ELAPOR1: variants seen among roughly 807,000 people sequenced by gnomAD.
ELAPOR1 encodes the protein endosome-lysosome associated apoptosis and autophagy regulator 1.
Under a neutral mutation model 119.7 loss-of-function variants are expected in ELAPOR1, and 77 were observed. That is an observed-to-expected ratio of 0.64 (90% confidence interval 0.54 to 0.78). The LOEUF is 0.78. Ranked by LOEUF, ELAPOR1 falls within the 30% of genes least tolerant of loss-of-function variation. ELAPOR1 has a pLI of 0.00. For synonymous variants in ELAPOR1, 481 were observed against 487.2 expected (o/e 0.99, Z 0.17); for missense variants, 1,115 against 1,270.4 (o/e 0.88, Z 1.86).
At chr1:109,180,822 A>C (rs1408016982) in intron 7 of ELAPOR1, among the ~76,000 whole-genome samples, 4 of 152,070 alleles carry the variant, frequency 2.6e-5, no homozygotes, top group Non-Finnish European at 2.9e-5. Flanking sequence ...AAAATTAGCC[A>C]GGTGTGGTGG....
intron 1 of ELAPOR1, among the ~76,000 whole-genome samples, chr1:109,141,482 C>T (rs1269187487): frequency 6.6e-6 from 1 of 151,176 alleles, no homozygotes; most frequent in East Asian, 2.0e-4. Flanking sequence ...AGGATGATCT[C>T]GAATTCCTGA....
At chr1:109,202,822 A>G in intron 21 of ELAPOR1, 122 bp from the exon 22 acceptor site, 1 of 910,602 alleles carries the variant, frequency 1.1e-6, no homozygotes, top group Non-Finnish European at 1.8e-6. Flanking sequence ...CTGTGTTTCC[A>G]CAAAGCCACT....
rs750414678 is a variant in ELAPOR1 at position 109,198,573 on chromosome 1, G to T, written c.2400G>T (p.Arg800Ser). Residue 800 changes from arginine (R) to serine (S), a missense_variant and splice_region_variant, in exon 18 of 22, where the codon AGG becomes AGT. Physicochemically the swap from Arg to Ser is moderately radical, Grantham distance 110. Coordinates refer to ENST00000369939, the MANE Select transcript of ELAPOR1 (RefSeq NM_020775.5). Reference sequence around the variant, plus strand: ...TCATGGGGGCTGGCTTTCTCTGCAGGTCCAATGATGTGACCCAGTCCTGCA... The same window carrying T: ...TCATGGGGGCTGGCTTTCTCTGCAGTTCCAATGATGTGACCCAGTCCTGCA... ...LGIPDVIFFYRSNDVTQSCSS... is the reference protein window; with the variant it reads ...LGIPDVIFFYSSNDVTQSCSS... 1 of 1,612,776 alleles carries T rather than the reference G, an allele frequency of 6.2e-7. No homozygotes were observed. Among genetic ancestry groups the T allele is most frequent in the Non-Finnish European group, 8.5e-7 (1 of 1,179,518 alleles).
intron 1 of ELAPOR1, among the ~76,000 whole-genome samples, chr1:109,129,181 G>A (rs537422247): frequency 6.6e-6 from 1 of 152,032 alleles, no homozygotes; most frequent in Non-Finnish European, 1.5e-5. Context: ...TAAACATAAT[G>A]GACTGAAAGA....
At position 109,157,323 on chromosome 1, in the gene ELAPOR1, C is replaced by T. The variant is rs200217477; in HGVS notation, c.154-4571C>T. Among the ~76,000 whole-genome samples the T allele has an allele frequency of 2.0e-5, 3 of 152,270 alleles. No homozygotes were observed. In the East Asian group the frequency reaches 5.8e-4, roughly 29 times the overall value. ...CTTTGCCTCTCAATGACTCAATTTTCCCATCTGTAAAATGGTAAAATAATT... is the reference window on the plus strand; with the variant it reads ...CTTTGCCTCTCAATGACTCAATTTTTCCATCTGTAAAATGGTAAAATAATT... On this transcript the variant is annotated intron_variant, in intron 1 of 21. Coordinates refer to ENST00000369939, the MANE Select transcript of ELAPOR1 (RefSeq NM_020775.5).
intron 3 of ELAPOR1, among the ~76,000 whole-genome samples, chr1:109,165,595 A>G (rs58167786): frequency 2.6e-5 from 4 of 151,748 alleles, no homozygotes; most frequent in African/African-American, 9.7e-5. Flanking sequence ...AAAAAAAAAA[A>G]AAAAAGAAAA....
chr1:109,136,461 T>C (rs1649474885), intron 1 of ELAPOR1, among the ~76,000 whole-genome samples: 1 of 152,198 alleles, frequency 6.6e-6, no homozygotes, highest in African/African-American at 2.4e-5. Context: ...CACCTTGATT[T>C]TGGGCTTCTG....
chr1:109,154,299 A>AG lies in ELAPOR1; in HGVS notation c.154-7595_154-7594insG, dbSNP rs1304758156. On this transcript the variant is annotated intron_variant, in intron 1 of 21. Coordinates refer to ENST00000369939, the MANE Select transcript of ELAPOR1 (RefSeq NM_020775.5). ...TCCGTCTCAAAAAAAAAAAAAAAAA[A>AG]AAAAGAAAAGGGGAAAAAGATGGAA... Among the ~76,000 whole-genome samples, 980 of 150,446 alleles carry AG rather than the reference A, an allele frequency of 6.5e-3. 13 individuals carry two copies. Among genetic ancestry groups the AG allele is most frequent in the African/African-American group, 0.022 (900 of 40,768 alleles).
In ELAPOR1 at chr1:109,115,848, C is replaced by T. The variant is rs1194326357; in HGVS notation, c.153+1512C>T. On this transcript the variant is annotated intron_variant, in intron 1 of 21. Coordinates refer to ENST00000369939, the MANE Select transcript of ELAPOR1 (RefSeq NM_020775.5). ...TGGGCCATCTACATTTCCACCTAGCCGCATTATGACCTGTTTTAGAGATCG... is the reference window on the plus strand; with the variant it reads ...TGGGCCATCTACATTTCCACCTAGCTGCATTATGACCTGTTTTAGAGATCG... Among the ~76,000 whole-genome samples the T allele has an allele frequency of 5.3e-5, 8 of 152,146 alleles. No homozygotes were observed. In the East Asian group the frequency reaches 9.6e-4, roughly 18 times the overall value.
intron 1 of ELAPOR1, among the ~76,000 whole-genome samples, chr1:109,129,414 G>A (rs1156558329): frequency 6.6e-6 from 1 of 152,192 alleles, no homozygotes; most frequent in Non-Finnish European, 1.5e-5. Context: ...GGAGGCTGAG[G>A]CAGGATTCAC....
At chr1:109,129,849 C>T (rs1649038171) in intron 1 of ELAPOR1, among the ~76,000 whole-genome samples, 1 of 152,234 alleles carries the variant, frequency 6.6e-6, no homozygotes, top group Non-Finnish European at 1.5e-5. Context: ...TTACCTTGGG[C>T]TGCCTCAACA....
At chr1:109,201,036 C>T in intron 21 of ELAPOR1, 136 bp downstream of exon 21, 1 of 841,828 alleles carries the variant, frequency 1.2e-6, no homozygotes, top group Non-Finnish European at 1.8e-6. Context: ...CATTTCCCCA[C>T]TCTGAAAATC....
At chr1:109,134,549 T>C (rs577430672) in intron 1 of ELAPOR1, among the ~76,000 whole-genome samples, 2 of 152,164 alleles carry the variant, frequency 1.3e-5, no homozygotes, top group Admixed American at 6.5e-5. Flanking sequence ...AAAAAGAACA[T>C]CTGTCCAGTG....
At position 109,189,130 on chromosome 1, in the gene ELAPOR1, G is replaced by A. The variant is rs774008115; in HGVS notation, c.1284G>A (p.Thr428=). Residue 428 remains threonine, a synonymous_variant, in exon 10 of 22, where the codon ACG becomes ACA. Transcript: ENST00000369939. ...AVGFEYKWWN[T]LPTNMETTVL... is the part of the protein sequence containing the mutation. ...GATTTGAATACAAATGGTGGAACACGCTGCCCACAAACATGGAAACGACCG... is the reference window on the plus strand; with the variant it reads ...GATTTGAATACAAATGGTGGAACACACTGCCCACAAACATGGAAACGACCG... 12 of 1,614,002 alleles carry A rather than the reference G, an allele frequency of 7.4e-6. No individual in the cohort carries two copies. The highest frequency in any genetic ancestry group is 6.7e-5 in the Admixed American group (4 of 60,000).
Position 109,192,599 on chromosome 1 carries a change from C to T in ELAPOR1, c.1684-12C>T. 6.2e-7 allele frequency: 1 copy of T among 1,613,392 alleles called. No individual in the cohort carries two copies. The highest frequency in any genetic ancestry group is 8.5e-7 in the Non-Finnish European group (1 of 1,179,446). ...GCCTCTCCCCTCTCCCCTCTTGTTT[C>T]CTTGTCTCCAGAGCAGGAAGTACAC... On this transcript the variant is annotated splice_polypyrimidine_tract_variant and intron_variant, in intron 13 of 21. Coordinates refer to ENST00000369939, the MANE Select transcript of ELAPOR1 (RefSeq NM_020775.5).
At chr1:109,119,920 T>C (rs1648283920) in intron 1 of ELAPOR1, among the ~76,000 whole-genome samples, 1 of 152,188 alleles carries the variant, frequency 6.6e-6, no homozygotes, top group Non-Finnish European at 1.5e-5. Context: ...AGTGAATTAA[T>C]CATAATTTAT....
chr1:109,150,298 C>T lies in ELAPOR1; in HGVS notation c.154-11596C>T, dbSNP rs570438309. Among the ~76,000 whole-genome samples, 31 of 152,238 alleles carry T rather than the reference C, an allele frequency of 2.0e-4. 1 individual carries two copies. The highest frequency in any genetic ancestry group is 1.2e-3 in the Admixed American group (19 of 15,278). On this transcript the variant is annotated intron_variant, in intron 1 of 21. Coordinates refer to ENST00000369939, the MANE Select transcript of ELAPOR1 (RefSeq NM_020775.5). ...TATGATCAAAATAGAAGCTGGAAAG[C>T]CAGAGTAGAATAGAGCAATGCTGAA...
At chr1:109,129,180 T>C (rs1444976206) in intron 1 of ELAPOR1, among the ~76,000 whole-genome samples, 1 of 152,208 alleles carries the variant, frequency 6.6e-6, no homozygotes, top group Non-Finnish European at 1.5e-5. Context: ...TTAAACATAA[T>C]GGACTGAAAG....
intron 1 of ELAPOR1, among the ~76,000 whole-genome samples, chr1:109,144,076 T>TTTTTA (rs1650030350): frequency 7.2e-6 from 1 of 139,056 alleles, no homozygotes; most frequent in Non-Finnish European, 1.5e-5. Context: ...TTTTTTTTTT[T>TTTTTA]GAGATGGAGT....
Sources: gnomAD v4.1 joint callset for allele counts (sites outside exome capture counted in the v4.1 genomes callset) on GRCh38, gnomAD v4.1.1 for gene constraint, MANE v1.5 for transcripts, NCBI Gene and HGNC (gene_info 2026-07-23, HGNC 2026-07-21) for gene names.